The following ZFHX3 variants were observed in gnomAD, a reference collection of about 807,000 sequenced individuals.
ZFHX3 encodes the protein zinc finger homeobox protein 3.
Under a neutral mutation model 279.1 loss-of-function variants are expected in ZFHX3, and 42 were observed. The ratio of observed to expected loss-of-function variants is 0.15; its 90% CI spans 0.12 to 0.19. The LOEUF is 0.19. ZFHX3 is among the 10% of genes least tolerant of loss of function. The pLI is 1.00. For missense variants in ZFHX3, 4,981 were observed against 4,754.0 expected (o/e 1.05, Z -1.40); for synonymous variants, 2,293 against 1,957.8 (o/e 1.17, Z -4.52).
At chr16:73,567,218 GAGCTCCTTACTGATTACATCTGC>G (rs1439295967) in intron 2 of ZFHX3, among the ~76,000 whole-genome samples, 22 of 152,118 alleles carry the variant, frequency 1.4e-4, no homozygotes, top group Middle Eastern at 3.4e-3. Context: ...ATTTCATCTG[GAGCTCCTTACTGATTACATCTGC>G]AGCTCCTTAC....
At chr16:73,355,831 C>A (rs1320508404) in intron 3 of ZFHX3, among the ~76,000 whole-genome samples, 2 of 152,138 alleles carry the variant, frequency 1.3e-5, no homozygotes, top group South Asian at 4.1e-4. Context: ...GCGACGGTAC[C>A]AAGCATAGGG....
intron 1 of ZFHX3, among the ~76,000 whole-genome samples, chr16:73,884,800 C>T (rs1378598753): frequency 6.6e-6 from 1 of 152,166 alleles, no homozygotes; most frequent in Non-Finnish European, 1.5e-5. Context: ...AATTAAATAT[C>T]CACATGCTAT....
At chr16:73,753,986 A>ATATGTGTGTGTGTGTGTG (rs2053783727) in intron 1 of ZFHX3, among the ~76,000 whole-genome samples, 2 of 147,324 alleles carry the variant, frequency 1.4e-5, no homozygotes, top group South Asian at 4.4e-4. Context: ...GTAAGAATCA[A>ATATGTGTGTGTGTGTGTG]TGTGTGTGTG....
At chr16:72,887,578 C>A (rs1166938371) in intron 4 of ZFHX3, among the ~76,000 whole-genome samples, 1 of 148,958 alleles carries the variant, frequency 6.7e-6, no homozygotes, top group Non-Finnish European at 1.5e-5. Flanking sequence ...GTGTGCGGGG[C>A]AGTGCCTGTG....
rs60029159 is a variant in ZFHX3 at position 72,989,477 on chromosome 16, C to CA, written c.-49-29284dup. 5.9e-3 allele frequency among the ~76,000 whole-genome samples: 721 copies of CA among 122,644 alleles called. 3 individuals carry two copies. The highest frequency in any genetic ancestry group is 0.014 in the African/African-American group (466 of 34,382). The allele number at this position is 122,644 out of a possible 152,430, so 80.5% of individuals were successfully genotyped here. A position where few individuals can be genotyped will look rare whatever the true frequency, so the allele number is the denominator to read the frequency against. On this transcript the variant is annotated intron_variant, in intron 1 of 9. Coordinates refer to ENST00000268489, the MANE Select transcript of ZFHX3 (RefSeq NM_006885.4). ...AGCCTGGGCGACAGACACTCTGTCT[C>CA]AAAAAAAAAAAAAAGAAACCATGGC...
At position 73,321,356 on chromosome 16, in the gene ZFHX3, C is replaced by G. The variant is rs115655659; in HGVS notation, c.-1290-3020G>C. ...GGTGACCTCTCTGAGCCCCAGTTTT[C>G]TGACCTGAAAAATGGGGTCACAGCA... On this transcript the variant is annotated intron_variant, in intron 3 of 17. Coordinates refer to the ZFHX3 transcript ENST00000641206. 9.9e-5 allele frequency among the ~76,000 whole-genome samples: 15 copies of G among 152,144 alleles called. 1 individual carries two copies. Among genetic ancestry groups the G allele is most frequent in the Middle Eastern group, 3.2e-3 (1 of 316 alleles).
At chr16:73,604,104 T>C (rs1228949980) in intron 2 of ZFHX3, among the ~76,000 whole-genome samples, 2 of 151,868 alleles carry the variant, frequency 1.3e-5, no homozygotes, top group Admixed American at 1.3e-4. Flanking sequence ...AAATAAAGAG[T>C]AGACTAGAAA....
chr16:73,118,056 G>A (rs974069505), intron 7 of ZFHX3, among the ~76,000 whole-genome samples: 10 of 152,208 alleles, frequency 6.6e-5, no homozygotes, highest in African/African-American at 2.4e-4. Flanking sequence ...GTAGTGAATT[G>A]CTAAAGCAGT....
chr16:73,847,524 C>T (rs766902674), intron 1 of ZFHX3, among the ~76,000 whole-genome samples: 4 of 152,014 alleles, frequency 2.6e-5, no homozygotes, highest in African/African-American at 4.8e-5. Context: ...GTATAATTGG[C>T]GTCAATTATA....
chr16:73,263,877 G>C (rs1426695012), intron 4 of ZFHX3, among the ~76,000 whole-genome samples: 2 of 152,100 alleles, frequency 1.3e-5, no homozygotes, highest in African/African-American at 4.8e-5. Flanking sequence ...AAAAATGAGA[G>C]CCCTGATGGC....
At chr16:73,173,123 C>T (rs1343603084) in intron 5 of ZFHX3, among the ~76,000 whole-genome samples, 2 of 147,790 alleles carry the variant, frequency 1.4e-5, no homozygotes, top group African/African-American at 5.0e-5. Flanking sequence ...CTCTTCAATT[C>T]CTCACTTTCT....
intron 5 of ZFHX3, among the ~76,000 whole-genome samples, chr16:73,189,814 GC>G (rs911351922): frequency 2.0e-5 from 3 of 152,150 alleles, no homozygotes; most frequent in Non-Finnish European, 4.4e-5. Context: ...TAAGGACTGG[GC>G]AGGCATGGTG....
intron 7 of ZFHX3, among the ~76,000 whole-genome samples, chr16:73,124,720 C>T (rs1015233455): frequency 6.6e-6 from 1 of 152,080 alleles, no homozygotes; most frequent in African/African-American, 2.4e-5. Flanking sequence ...CAGGGAAACA[C>T]AAGAGAGAGT....
At chr16:72,939,383 C>A (rs527567421) in intron 3 of ZFHX3, among the ~76,000 whole-genome samples, 6 of 152,188 alleles carry the variant, frequency 3.9e-5, no homozygotes, top group Non-Finnish European at 8.8e-5. Context: ...AAGCCCTGTT[C>A]GAAACCAGCA....
At chr16:73,498,464 G>GA in intron 2 of ZFHX3, among the ~76,000 whole-genome samples, 1 of 152,316 alleles carries the variant, frequency 6.6e-6, no homozygotes, top group Admixed American at 6.5e-5. Context: ...ACACATCAAT[G>GA]AAAAATGTCA....
At chr16:73,571,989 T>C (rs2051742807) in intron 2 of ZFHX3, among the ~76,000 whole-genome samples, 1 of 152,084 alleles carries the variant, frequency 6.6e-6, no homozygotes, top group Admixed American at 6.6e-5. Flanking sequence ...CCAGAAGTTC[T>C]AAGGGAAAAT....
At chr16:73,358,018 C>T (rs1250787656) in intron 3 of ZFHX3, among the ~76,000 whole-genome samples, 1 of 152,222 alleles carries the variant, frequency 6.6e-6, no homozygotes, top group African/African-American at 2.4e-5. Flanking sequence ...GTGAATCAGC[C>T]CTGCTCCTTC....
intron 4 of ZFHX3, among the ~76,000 whole-genome samples, chr16:72,874,602 A>G (rs1421433972): frequency 6.6e-6 from 1 of 152,116 alleles, no homozygotes; most frequent in Non-Finnish European, 1.5e-5. Context: ...ACTCAGTGGA[A>G]CCTTCACTTC....
chr16:73,674,318 T>C lies in ZFHX3; in HGVS notation c.-1547+5862A>G, dbSNP rs201305640. ...AAGAGAGGCTGTTCACAACCAAAAA[T>C]GCATGGGCAGAATGCAAATCCACAT... On this transcript the variant is annotated intron_variant, in intron 2 of 17. Coordinates refer to the ZFHX3 transcript ENST00000641206. Among the ~76,000 whole-genome samples the C allele has an allele frequency of 3.9e-5, 6 of 152,210 alleles. No individual in the cohort carries two copies. In the South Asian group the frequency reaches 1.0e-3, roughly 26 times the overall value.
Sources: allele counts gnomAD v4.1 joint callset (sites outside exome capture counted in the v4.1 genomes callset), GRCh38; gene constraint gnomAD v4.1.1; transcripts MANE v1.5; gene names NCBI Gene and HGNC (gene_info 2026-07-23, HGNC 2026-07-21).